The following CMKLR1 variants were observed in gnomAD, a reference collection of about 807,000 sequenced individuals.
CMKLR1 encodes the protein chemerin-like receptor 1.
CMKLR1 carries 6 observed loss-of-function variants against 8.2 expected under a neutral mutation model. The ratio of observed to expected loss-of-function variants is 0.73; its 90% CI spans 0.40 to 1.44. The LOEUF (loss-of-function observed/expected upper bound fraction) is 1.44. Ranked by LOEUF, CMKLR1 falls within the 40% of genes most tolerant of loss-of-function variation. The pLI is 0.02. For missense variants in CMKLR1, 429 were observed against 478.0 expected, an observed-to-expected ratio of 0.90 and a Z score of 0.96; for synonymous variants, 178 against 181.2, an observed-to-expected ratio of 0.98 and a Z score of 0.14.
intron 2 of CMKLR1, among the ~76,000 whole-genome samples, chr12:108,308,770 A>G (rs1366095154): frequency 1.3e-5 from 2 of 152,178 alleles, no homozygotes; most frequent in Non-Finnish European, 2.9e-5. Flanking sequence ...AAGGCCAAAG[A>G]TTCTTCCTTC....
chr12:108,306,782 A>G (rs1411628130), intron 2 of CMKLR1, among the ~76,000 whole-genome samples: 3 of 152,174 alleles, frequency 2.0e-5, no homozygotes, highest in Non-Finnish European at 2.9e-5. Context: ...CCAGACCCAG[A>G]CGGAACCAAG....
At chr12:108,338,733 A>G (rs1354310590) in intron 1 of CMKLR1, among the ~76,000 whole-genome samples, 7 of 152,260 alleles carry the variant, frequency 4.6e-5, no homozygotes, top group African/African-American at 1.7e-4. Flanking sequence ...CTATGCAGCC[A>G]TGAAAAATGT....
intron 2 of CMKLR1, among the ~76,000 whole-genome samples, chr12:108,302,941 G>C (rs932396516): frequency 1.3e-5 from 2 of 152,036 alleles, no homozygotes; most frequent in African/African-American, 2.4e-5. Flanking sequence ...AGGGATGGAG[G>C]GGTATAATTA....
At chr12:108,310,952 C>A (rs1256981442) in intron 2 of CMKLR1, among the ~76,000 whole-genome samples, 5 of 150,086 alleles carry the variant, frequency 3.3e-5, no homozygotes, top group Admixed American at 1.3e-4. Flanking sequence ...GAAGACCGCC[C>A]CCCCACCCCC....
intron 1 of CMKLR1, among the ~76,000 whole-genome samples, chr12:108,337,074 T>C (rs2137351046): frequency 6.6e-6 from 1 of 152,288 alleles, no homozygotes; most frequent in East Asian, 1.9e-4. Flanking sequence ...AATAATATCA[T>C]CCTTATTTAC....
At chr12:108,338,358 T>C (rs908307497) in intron 1 of CMKLR1, among the ~76,000 whole-genome samples, 1 of 152,150 alleles carries the variant, frequency 6.6e-6, no homozygotes, top group Non-Finnish European at 1.5e-5. Flanking sequence ...AATAAGTTTA[T>C]AAAAGAGAAT....
chr12:108,332,780 C>T (rs1892138900), intron 1 of CMKLR1, among the ~76,000 whole-genome samples: 1 of 152,042 alleles, frequency 6.6e-6, no homozygotes, highest in South Asian at 2.1e-4. Flanking sequence ...TAAGAGAACC[C>T]TCTAAGAGAA....
At chr12:108,327,682 T>G (rs1233668059) in intron 2 of CMKLR1, among the ~76,000 whole-genome samples, 1 of 152,114 alleles carries the variant, frequency 6.6e-6, no homozygotes, top group Non-Finnish European at 1.5e-5. Context: ...GTAGGACTGG[T>G]CCCAGAGGAC....
chr12:108,296,724 G>A lies in CMKLR1; in HGVS notation c.-73-3060C>T, dbSNP rs189332795. Among the ~76,000 whole-genome samples, 47 of 152,256 alleles carry A rather than the reference G, an allele frequency of 3.1e-4. No homozygotes were observed. The East Asian group carries it at 8.7e-3, about 28-fold the overall frequency. On this transcript the variant is annotated intron_variant, in intron 2 of 3. Coordinates refer to ENST00000550402, the MANE Select transcript of CMKLR1 (RefSeq NM_001142343.2). ...GCCTGTAATCCCAGCTACTCAGGAG[G>A]CTGAGGCAGGGGAATTGCTTGAACC...
intron 2 of CMKLR1, among the ~76,000 whole-genome samples, chr12:108,299,621 A>T (rs1477083304): frequency 1.3e-5 from 2 of 152,198 alleles, no homozygotes; most frequent in African/African-American, 4.8e-5. Context: ...GGATTAGAGT[A>T]GGCCCCAGAT....
chr12:108,295,955 T>C (rs1169126706), intron 2 of CMKLR1, among the ~76,000 whole-genome samples: 1 of 152,200 alleles, frequency 6.6e-6, no homozygotes, highest in African/African-American at 2.4e-5. Flanking sequence ...CCTCTGGGCA[T>C]GTCCCTCCTT....
chr12:108,325,087 G>C lies in CMKLR1; in HGVS notation c.-74+4908C>G, dbSNP rs1450190717. Reference sequence around the variant, plus strand: ...AGGGAGAAGGAGACGGAGCAGCCGAGACAGGGCAGCAGAGCCAGGGCTGTG... The same window carrying C: ...AGGGAGAAGGAGACGGAGCAGCCGACACAGGGCAGCAGAGCCAGGGCTGTG... On this transcript the variant is annotated intron_variant, in intron 2 of 3. Coordinates refer to ENST00000550402, the MANE Select transcript of CMKLR1 (RefSeq NM_001142343.2). Among the ~76,000 whole-genome samples the C allele has an allele frequency of 3.3e-5, 5 of 152,344 alleles. No individual in the cohort carries two copies. The East Asian group carries it at 9.6e-4, about 29-fold the overall frequency.
At position 108,331,007 on chromosome 12, in the gene CMKLR1, G is replaced by T. The variant is rs1056553561; in HGVS notation, c.-286-800C>A. On this transcript the variant is annotated intron_variant, in intron 1 of 3. Coordinates refer to ENST00000550402, the MANE Select transcript of CMKLR1 (RefSeq NM_001142343.2). ...GAACCTCCTCTCTTACAGGGGGGAA[G>T]AGAAGGAGCCCTTGTGCTCCTTGCA... is the stretch of plus-strand genomic sequence containing the variant. 8.5e-5 allele frequency among the ~76,000 whole-genome samples: 13 copies of T among 152,274 alleles called. No individual in the cohort carries two copies. In the South Asian group the frequency reaches 2.3e-3, roughly 27 times the overall value.
In CMKLR1 at chr12:108,292,749, T is replaced by A; in HGVS notation, c.214A>T (p.Thr72Ser). ...IIIATFKMKK[T>S]VNMVWFLNLA... ...TTGAGGAACCAGACCATGTTCACTG[T>A]CTTCTTCATCTTGAAGGTGGCAATG... Residue 72 changes from threonine (T) to serine (S), a missense_variant, in exon 4 of 4, where the codon ACA becomes TCA. Transcript: ENST00000550402. 4 of 1,614,180 alleles carry A rather than the reference T, an allele frequency of 2.5e-6. No individual in the cohort carries two copies. Among genetic ancestry groups the A allele is most frequent in the Non-Finnish European group, 3.4e-6 (4 of 1,180,032 alleles).
chr12:108,338,409 G>C (rs1390514517), intron 1 of CMKLR1, among the ~76,000 whole-genome samples: 28 of 152,192 alleles, frequency 1.8e-4, no homozygotes, highest in Admixed American at 1.8e-3. Context: ...GAAGCATCTA[G>C]ATATTATTCT....
chr12:108,308,675 G>A (rs149460486), intron 2 of CMKLR1, among the ~76,000 whole-genome samples: 642 of 152,306 alleles, frequency 4.2e-3, no homozygotes, highest in Non-Finnish European at 7.0e-3. Flanking sequence ...GGCAAGGCAG[G>A]GGCCCCTCCA....
At chr12:108,294,680 A>G (rs879482819) in intron 2 of CMKLR1, among the ~76,000 whole-genome samples, 2 of 152,200 alleles carry the variant, frequency 1.3e-5, no homozygotes, top group African/African-American at 4.8e-5. Flanking sequence ...ATTATTGCCT[A>G]GAGGTGCACA....
intron 2 of CMKLR1, among the ~76,000 whole-genome samples, chr12:108,299,617 G>C (rs935907455): frequency 6.6e-5 from 10 of 152,182 alleles, no homozygotes; most frequent in Non-Finnish European, 1.2e-4. Context: ...TCCGGGATTA[G>C]AGTAGGCCCC....
chr12:108,299,160 G>A (rs1207352248), intron 2 of CMKLR1, among the ~76,000 whole-genome samples: 7 of 152,202 alleles, frequency 4.6e-5, no homozygotes, highest in Admixed American at 4.6e-4. Context: ...TGGGCTCTGG[G>A]ATGCCCTGCA....
Sources: gnomAD v4.1 joint callset for allele counts (sites outside exome capture counted in the v4.1 genomes callset) on GRCh38, gnomAD v4.1.1 for gene constraint, MANE v1.5 for transcripts, NCBI Gene and HGNC (gene_info 2026-07-23, HGNC 2026-07-21) for gene names.